The following JAM3 variants were observed in gnomAD, a reference collection of about 807,000 sequenced individuals.
The protein encoded by JAM3 is junctional adhesion molecule 3.
JAM3 carries 31 observed loss-of-function variants against 39.4 expected under a neutral mutation model. The ratio of observed to expected loss-of-function variants is 0.79; its 90% CI spans 0.59 to 1.06. The LOEUF (loss-of-function observed/expected upper bound fraction) is 1.06. JAM3 is among the 50% of genes least tolerant of loss of function. JAM3 has a pLI of 0.00. For synonymous variants in JAM3, 182 were observed against 148.7 expected, an observed-to-expected ratio of 1.22 and a Z score of -1.63; for missense variants, 455 against 391.4, an observed-to-expected ratio of 1.16 and a Z score of -1.37.
At chr11:134,141,313 G>A (rs1010933833) in intron 3 of JAM3, among the ~76,000 whole-genome samples, 1 of 152,146 alleles carries the variant, frequency 6.6e-6, no homozygotes, top group African/African-American at 2.4e-5. Flanking sequence ...TGGCTGGTTA[G>A]CAGGCAAGAT....
intron 1 of JAM3, among the ~76,000 whole-genome samples, chr11:134,075,424 T>C (rs1360864366): frequency 1.3e-5 from 2 of 152,202 alleles, no homozygotes; most frequent in Non-Finnish European, 2.9e-5. Flanking sequence ...GAGTGAGTTA[T>C]AATGATTAAT....
chr11:134,102,388 G>T (rs534112608), intron 1 of JAM3, among the ~76,000 whole-genome samples: 1 of 152,082 alleles, frequency 6.6e-6, no homozygotes, highest in Non-Finnish European at 1.5e-5. Flanking sequence ...GAGGACCAAA[G>T]GTAGATAAAA....
intron 1 of JAM3, among the ~76,000 whole-genome samples, chr11:134,119,126 A>C (rs1942489886): frequency 2.6e-5 from 4 of 151,944 alleles, no homozygotes; most frequent in Admixed American, 2.0e-4. Flanking sequence ...GAGTTCCGCC[A>C]TGTTGGCCAG....
chr11:134,107,105 G>A (rs1332080938), intron 1 of JAM3, among the ~76,000 whole-genome samples: 1 of 152,162 alleles, frequency 6.6e-6, no homozygotes, highest in East Asian at 1.9e-4. Flanking sequence ...ATGATAGACT[G>A]GATTAAGAAA....
At chr11:134,120,915 G>A (rs1004848633) in intron 1 of JAM3, among the ~76,000 whole-genome samples, 2 of 152,206 alleles carry the variant, frequency 1.3e-5, no homozygotes, top group African/African-American at 4.8e-5. Context: ...GCCTGAAGCT[G>A]TAGAAGCATT....
chr11:134,128,659 C>T, intron 1 of JAM3, among the ~76,000 whole-genome samples: 1 of 151,242 alleles, frequency 6.6e-6, no homozygotes, highest in East Asian at 1.9e-4. Flanking sequence ...CTCTCTCCTC[C>T]TTTCCCCTGC....
chr11:134,124,827 G>C (rs1942612816), intron 1 of JAM3, among the ~76,000 whole-genome samples: 1 of 152,236 alleles, frequency 6.6e-6, no homozygotes, highest in Non-Finnish European at 1.5e-5. Flanking sequence ...AAAACGCTGT[G>C]CTGAGCCCGG....
At position 134,144,008 on chromosome 11, in the gene JAM3, G is replaced by A. The variant is rs562797460; in HGVS notation, c.257-233G>A. Among the ~76,000 whole-genome samples the A allele has an allele frequency of 3.9e-5, 6 of 152,302 alleles. No individual in the cohort carries two copies. The South Asian group carries it at 1.2e-3, about 32-fold the overall frequency. On this transcript the variant is annotated intron_variant, in intron 3 of 8. Transcript: ENST00000299106. ...CTGGTTTTAATGACGGAGACACATG[G>A]TAATGAGTGTGTCTTGCACACCAGG...
intron 1 of JAM3, among the ~76,000 whole-genome samples, chr11:134,110,299 C>G (rs1942284858): frequency 6.6e-6 from 1 of 152,140 alleles, no homozygotes; most frequent in Admixed American, 6.5e-5. Flanking sequence ...AGTTATTATA[C>G]TCCCACATAC....
intron 1 of JAM3, among the ~76,000 whole-genome samples, chr11:134,112,894 A>G (rs931889694): frequency 3.9e-5 from 6 of 152,190 alleles, no homozygotes; most frequent in Non-Finnish European, 7.3e-5. Flanking sequence ...GTCTCATTTG[A>G]GGTCTGAAGC....
At chr11:134,111,779 C>T (rs1170275174) in intron 1 of JAM3, among the ~76,000 whole-genome samples, 1 of 152,182 alleles carries the variant, frequency 6.6e-6, no homozygotes, top group Non-Finnish European at 1.5e-5. Flanking sequence ...AAGGGAATCT[C>T]CATTTTCTTT....
intron 1 of JAM3, among the ~76,000 whole-genome samples, chr11:134,138,710 G>T (rs1942918837): frequency 6.6e-6 from 1 of 152,202 alleles, no homozygotes; most frequent in African/African-American, 2.4e-5. Context: ...CTTGTCCTTT[G>T]TTCTATAACT....
rs1325488940 is a variant in JAM3, at chr11:134,149,673, C to T, written c.*492C>T. The T allele has an allele frequency of 4.4e-6, 2 of 456,986 alleles. No homozygotes were observed. Among genetic ancestry groups the T allele is most frequent in the Non-Finnish European group, 8.8e-6 (2 of 227,524 alleles). The allele number at this position is 456,986 out of a possible 1,614,324, so 28.3% of individuals were successfully genotyped here. ...TTACTTCATCGGCCCACAGACACCA[C>T]CGCAGTTTCTTCTTAAAGGCTCTGC... On this transcript the variant is annotated 3_prime_UTR_variant, in exon 9 of 9. Transcript: ENST00000299106.
intron 1 of JAM3, among the ~76,000 whole-genome samples, chr11:134,080,531 C>G (rs151244114): frequency 1.3e-5 from 2 of 152,168 alleles, no homozygotes; most frequent in Non-Finnish European, 2.9e-5. Flanking sequence ...GAGATCTGAT[C>G]GGTTTAAAAA....
At chr11:134,140,868 C>A in intron 3 of JAM3, 98 bp downstream of exon 3, 2 of 1,456,072 alleles carry the variant, frequency 1.4e-6, no homozygotes, top group Non-Finnish European at 9.3e-7. Context: ...TGGTAACCTG[C>A]ATCTGTAGCT....
chr11:134,092,101 C>T lies in JAM3; in HGVS notation c.76+22942C>T, dbSNP rs191460351. Among the ~76,000 whole-genome samples the T allele has an allele frequency of 5.6e-3, 859 of 152,238 alleles. 43 individuals are homozygous for T. Among genetic ancestry groups the T allele is most frequent in the Admixed American group, 0.051 (785 of 15,278 alleles). On this transcript the variant is annotated intron_variant, in intron 1 of 8. Coordinates refer to ENST00000299106, the MANE Select transcript of JAM3 (RefSeq NM_032801.5). ...CTTTCTGTTGCTCTTGGTGCAAAGCCGAAAGCCTTGAGCTTCTTATGACTG... is the reference window on the plus strand; with the variant it reads ...CTTTCTGTTGCTCTTGGTGCAAAGCTGAAAGCCTTGAGCTTCTTATGACTG...
chr11:134,148,664 A>C lies in JAM3; in HGVS notation c.830A>C (p.Gln277Pro). Residue 277 changes from glutamine to proline, a missense_variant, in exon 7 of 9, where the codon CAG becomes CCG. Gln to Pro is a moderately conservative substitution (Grantham distance 76). Coordinates refer to ENST00000299106, the MANE Select transcript of JAM3 (RefSeq NM_032801.5). ...CGTGGCTACTTCATCAACAATAAAC[A>C]GGATGGAGAAAGGTGAGCCTGCCTT... is the stretch of plus-strand genomic sequence containing the variant. ...YRRGYFINNKQDGESYKNPGK... is the reference protein window; with the variant it reads ...YRRGYFINNKPDGESYKNPGK... 6.2e-7 allele frequency: 1 copy of C among 1,614,188 alleles called. No homozygotes were observed. Among genetic ancestry groups the C allele is most frequent in the Non-Finnish European group, 8.5e-7 (1 of 1,180,040 alleles).
Position 134,151,544 on chromosome 11 carries a change from G to T in JAM3, c.*2363G>T, listed in dbSNP as rs1429540844. 6.6e-6 allele frequency: 1 copy of T among 152,210 alleles called. No homozygotes were observed. Among genetic ancestry groups the T allele is most frequent in the Non-Finnish European group, 1.5e-5 (1 of 68,048 alleles). 9.4% of individuals were successfully genotyped at this position (152,210 alleles called of 1,614,324 possible). A position where few individuals can be genotyped will look rare whatever the true frequency, so the allele number is the denominator to read the frequency against. On this transcript the variant is annotated 3_prime_UTR_variant, in exon 9 of 9. Coordinates refer to ENST00000299106, the MANE Select transcript of JAM3 (RefSeq NM_032801.5). ...GTAGAGAGAAGTGAAAGTAGAGTCT[G>T]GGAAGTAGCTGCCTATAACTGAGAC... is the stretch of plus-strand genomic sequence containing the variant.
At chr11:134,111,315 T>C (rs1411485913) in intron 1 of JAM3, among the ~76,000 whole-genome samples, 1 of 151,864 alleles carries the variant, frequency 6.6e-6, no homozygotes, top group East Asian at 1.9e-4. Flanking sequence ...CTAATTTTTT[T>C]TGTTTTTTAG....
Sources: allele counts gnomAD v4.1 joint callset (sites outside exome capture counted in the v4.1 genomes callset), GRCh38; gene constraint gnomAD v4.1.1; transcripts MANE v1.5; gene names NCBI Gene and HGNC (gene_info 2026-07-23, HGNC 2026-07-21).